The following COL27A1 variants were observed in gnomAD, a reference collection of about 807,000 sequenced individuals.
COL27A1 encodes collagen type XXVII alpha 1 chain, also known as collagen alpha-1(XXVII) chain.
COL27A1 carries 106 observed loss-of-function variants against 251.3 expected under a neutral mutation model. The ratio of observed to expected loss-of-function variants is 0.42; its 90% CI spans 0.36 to 0.50. COL27A1 has a LOEUF of 0.50. COL27A1 is among the 20% of genes least tolerant of loss of function. COL27A1 has a pLI of 0.00. For missense variants in COL27A1, 2,325 were observed against 2,522.8 expected, an observed-to-expected ratio of 0.92 and a Z score of 1.68; for synonymous variants, 1,000 against 986.3, an observed-to-expected ratio of 1.01 and a Z score of -0.26.
intron 1 of COL27A1, among the ~76,000 whole-genome samples, chr9:114,157,466 C>G (rs550216346): frequency 6.6e-6 from 1 of 152,374 alleles, no homozygotes; most frequent in Non-Finnish European, 1.5e-5. Context: ...CCTTCTGTTT[C>G]CTCCCTGTAC....
chr9:114,295,042 T>G (rs1828167075), intron 49 of COL27A1, among the ~76,000 whole-genome samples: 1 of 152,214 alleles, frequency 6.6e-6, no homozygotes, highest in Admixed American at 6.5e-5. Context: ...CTAGGCAATA[T>G]GCATAAATGA....
At chr9:114,264,467 A>G in intron 29 of COL27A1, 59 bp downstream of exon 29, 1 of 1,350,928 alleles carries the variant, frequency 7.4e-7, no homozygotes, top group Non-Finnish European at 1.0e-6. Flanking sequence ...AGGAATCGTG[A>G]ACAAGGCTCA....
At chr9:114,169,588 A>G (rs1849165778) in intron 3 of COL27A1, 125 bp downstream of exon 3, 2 of 715,654 alleles carry the variant, frequency 2.8e-6, no homozygotes, top group Non-Finnish European at 4.3e-6. Flanking sequence ...GGTTATGGGT[A>G]CATCCTTGGC....
intron 28 of COL27A1, among the ~76,000 whole-genome samples, chr9:114,260,021 C>G (rs1834207773): frequency 6.6e-6 from 1 of 151,904 alleles, no homozygotes; most frequent in Non-Finnish European, 1.5e-5. Context: ...TCAAATGGGC[C>G]TTGGGCCAAG....
chr9:114,168,224 G>T lies in COL27A1; in HGVS notation c.669G>T (p.Gln223His). ...AGTTCAGTATCTACCCTGTGACGCA[G>T]GTCGCTCACAATTACTGTACCCACC... ...LCQFSIYPVT[Q>H]VAHNYCTHLR... The change falls in exon 3 of 61, where the codon CAG becomes CAT. Residue 223 changes from glutamine (Q) to histidine (H), a missense_variant. Around this residue, in one of 4 missense-constraint regions of COL27A1, gnomAD observed 1,183 missense variants for 1,144.1 expected, o/e 1.03. Coordinates refer to ENST00000356083, the MANE Select transcript of COL27A1 (RefSeq NM_032888.4). 6.2e-7 allele frequency: 1 copy of T among 1,614,012 alleles called. No individual in the cohort carries two copies. The highest frequency in any genetic ancestry group is 8.5e-7 in the Non-Finnish European group (1 of 1,180,028).
chr9:114,169,122 G>A lies in COL27A1; in HGVS notation c.1567G>A (p.Val523Ile), dbSNP rs143993841. The A allele has an allele frequency of 7.4e-5, 119 of 1,614,066 alleles. No homozygotes were observed. The highest frequency in any genetic ancestry group is 2.3e-4 in the South Asian group (21 of 91,076). ...GTSTPRTAPA[V>I]PTPGSAPTGS... Reference sequence around the variant, plus strand: ...CAGCACTCCCAGAACAGCACCTGCCGTCCCCACTCCTGGCTCAGCTCCCAC... The same window carrying A: ...CAGCACTCCCAGAACAGCACCTGCCATCCCCACTCCTGGCTCAGCTCCCAC... The change falls in exon 3 of 61, where the codon GTC becomes ATC. Residue 523 changes from valine (V) to isoleucine (I), a missense_variant. By Grantham distance (29) the Val-to-Ile change is conservative. This residue lies in a region of COL27A1 where 1,183 missense variants were observed against 1,144.1 expected (regional missense o/e 1.03). Transcript: ENST00000356083.
At chr9:114,193,244 G>T (rs1450671542) in intron 5 of COL27A1, among the ~76,000 whole-genome samples, 1 of 152,176 alleles carries the variant, frequency 6.6e-6, no homozygotes, top group African/African-American at 2.4e-5. Context: ...ACTTTCCACA[G>T]GGCTGTTTCC....
In COL27A1 at chr9:114,168,406, C is replaced by T. The variant is rs1365900342; in HGVS notation, c.851C>T (p.Ala284Val). ...ACACCAGCCCTGGGGTCACTGCCAG[C>T]AGGCAGGGGACCCAGGGGGACTGTG... ...TATPALGSLP[A>V]GRGPRGTVAP... is the part of the protein sequence containing the mutation. The change falls in exon 3 of 61, where the codon GCA becomes GTA. Residue 284 changes from alanine (A) to valine (V), a missense_variant. Ala to Val is a moderately conservative substitution (Grantham distance 64, BLOSUM62 0). This residue lies in a region of COL27A1 where 1,183 missense variants were observed against 1,144.1 expected (regional missense o/e 1.03). Transcript: ENST00000356083. 1 of 1,613,504 alleles carries T rather than the reference C, an allele frequency of 6.2e-7. No individual in the cohort carries two copies. Among genetic ancestry groups the T allele is most frequent in the Non-Finnish European group, 8.5e-7 (1 of 1,179,986 alleles).
At chr9:114,204,359 C>G (rs1829792820) in intron 7 of COL27A1, among the ~76,000 whole-genome samples, 1 of 152,158 alleles carries the variant, frequency 6.6e-6, no homozygotes, top group Admixed American at 6.5e-5. Context: ...CCTTTGGAGA[C>G]CTTACTCTTA....
At chr9:114,193,481 C>T (rs1828890524) in intron 5 of COL27A1, among the ~76,000 whole-genome samples, 1 of 152,120 alleles carries the variant, frequency 6.6e-6, no homozygotes, top group South Asian at 2.1e-4. Context: ...TGTTCTAACT[C>T]AGCAGGAGCC....
intron 49 of COL27A1, among the ~76,000 whole-genome samples, chr9:114,297,283 C>T (rs1453165054): frequency 6.6e-6 from 1 of 152,132 alleles, no homozygotes; most frequent in African/African-American, 2.4e-5. Context: ...AGACAGCCAT[C>T]AGAGTGCAAA....
intron 55 of COL27A1, 145 bp downstream of exon 55, chr9:114,301,862 TC>T (rs1469470972): frequency 3.5e-5 from 32 of 926,374 alleles, no homozygotes; most frequent in Non-Finnish European, 4.8e-5. Context: ...GTATAGGGCA[TC>T]CCCCGAACAT....
At chr9:114,205,904 G>T (rs1013077825) in intron 9 of COL27A1, 92 bp downstream of exon 9, 1 of 1,201,884 alleles carries the variant, frequency 8.3e-7, no homozygotes, top group Non-Finnish European at 1.2e-6. Flanking sequence ...TGGGCTGGGG[G>T]CCAAGGAGCT....
chr9:114,280,564 AGTAGCCAGATTTCAAGTGTTCG>A (rs1295198064), intron 37 of COL27A1, among the ~76,000 whole-genome samples: 1 of 152,262 alleles, frequency 6.6e-6, no homozygotes, highest in Non-Finnish European at 1.5e-5. Flanking sequence ...CCTCAGTCAT[AGTAGCCAGATTTCAAGTGTTCG>A]GTAGCTGTAT....
At chr9:114,239,055 A>G (rs1287968722) in intron 19 of COL27A1, among the ~76,000 whole-genome samples, 1 of 152,218 alleles carries the variant, frequency 6.6e-6, no homozygotes, top group Non-Finnish European at 1.5e-5. Context: ...CTGACTCTGT[A>G]GCCGAGAGAT....
At chr9:114,163,690 G>A (rs901716955) in intron 2 of COL27A1, among the ~76,000 whole-genome samples, 1 of 152,208 alleles carries the variant, frequency 6.6e-6, no homozygotes, top group Non-Finnish European at 1.5e-5. Context: ...CCTGTGGCCT[G>A]ACCTGGCCAC....
intron 5 of COL27A1, among the ~76,000 whole-genome samples, chr9:114,193,470 C>T (rs942582785): frequency 1.3e-5 from 2 of 152,108 alleles, no homozygotes; most frequent in African/African-American, 4.8e-5. Flanking sequence ...AAGTTACTGC[C>T]TGTTCTAACT....
intron 3 of COL27A1, among the ~76,000 whole-genome samples, chr9:114,175,524 T>G (rs1448956932): frequency 6.6e-6 from 1 of 151,928 alleles, no homozygotes; most frequent in Non-Finnish European, 1.5e-5. Context: ...CCCACCCAGG[T>G]TGAAGGTGGA....
intron 12 of COL27A1, chr9:114,217,669 G>T (rs1307817019): frequency 4.8e-6 from 2 of 419,778 alleles, no homozygotes; most frequent in Non-Finnish European, 9.8e-6. Flanking sequence ...GAACAGGGCA[G>T]GACTACAAGT....
Sources: gnomAD v4.1 joint callset for allele counts (sites outside exome capture counted in the v4.1 genomes callset) on GRCh38, gnomAD v4.1.1 for gene constraint, gnomAD v4.1.1 regional missense constraint, MANE v1.5 for transcripts, NCBI Gene and HGNC (gene_info 2026-07-23, HGNC 2026-07-21) for gene names.